The following ABL1 variants were observed in gnomAD, a reference collection of about 807,000 sequenced individuals.
The protein encoded by ABL1 is ABL proto-oncogene 1, non-receptor tyrosine kinase, also known as tyrosine-protein kinase ABL1.
In ABL1, 11 loss-of-function variants were observed where a neutral mutation model predicts 94.7. The ratio of observed to expected loss-of-function variants is 0.12; its 90% confidence interval spans 0.07 to 0.19. ABL1 has a LOEUF of 0.19. Among genes scored for constraint, ABL1 ranks in the 10% least tolerant of loss-of-function variants. The pLI is 1.00. For synonymous variants in ABL1, 656 were observed against 622.4 expected, an observed-to-expected ratio of 1.05 and a Z score of -0.80; for missense variants, 1,082 against 1,489.4, an observed-to-expected ratio of 0.73 and a Z score of 4.50.
Position 130,835,597 on chromosome 9 carries a change from C to G in ABL1, c.79+72C>G. The G allele has an allele frequency of 7.4e-7, 1 of 1,360,384 alleles. No homozygotes were observed. Among genetic ancestry groups the G allele is most frequent in the Non-Finnish European group, 1.0e-6 (1 of 982,160 alleles). The allele number at this position is 1,360,384 out of a possible 1,614,324, so 84.3% of individuals were successfully genotyped here. A position where few individuals can be genotyped will look rare whatever the true frequency, so the allele number is the denominator to read the frequency against. ...CGCTGCTGCTGGGCCCTTCCTAGGC[C>G]TCGCCGCCCGCGCGCTCCCGCCTGC... On this transcript the variant is annotated intron_variant, in intron 1 of 10. Transcript: ENST00000318560. The surrounding 1 kb of genome is among the most constrained non-coding windows in gnomAD (Gnocchi z 4.6).
At chr9:130,760,265 C>T (rs11244131) in intron 1 of ABL1, among the ~76,000 whole-genome samples, 3 of 151,948 alleles carry the variant, frequency 2.0e-5, no homozygotes, top group African/African-American at 7.3e-5. Flanking sequence ...CAGTAGCTCC[C>T]TCCTTAACAT....
intron 1 of ABL1, among the ~76,000 whole-genome samples, chr9:130,813,323 A>G (rs1830236117): frequency 6.6e-6 from 1 of 151,852 alleles, no homozygotes; most frequent in Admixed American, 6.6e-5. Flanking sequence ...GCACTTTGGG[A>G]GGCTGAGGCG....
upstream of ABL1, among the ~76,000 whole-genome samples, chr9:130,831,951 T>G (rs1162669256): frequency 2.0e-5 from 3 of 152,130 alleles, no homozygotes; most frequent in East Asian, 5.8e-4. Flanking sequence ...ACAGATCATC[T>G]GGGAGCTTCA....
At chr9:130,753,928 G>T (rs1256766187) in intron 1 of ABL1, among the ~76,000 whole-genome samples, 1 of 151,938 alleles carries the variant, frequency 6.6e-6, no homozygotes, top group Non-Finnish European at 1.5e-5. Context: ...TATTGTCGCT[G>T]GGCGCGGTGG....
At chr9:130,778,507 T>C (rs1829701201) in intron 1 of ABL1, among the ~76,000 whole-genome samples, 1 of 152,156 alleles carries the variant, frequency 6.6e-6, no homozygotes, top group African/African-American at 2.4e-5. Context: ...TACAGACGTA[T>C]GATCCCTGGT....
chr9:130,822,060 A>T (rs1214427912), intron 1 of ABL1, among the ~76,000 whole-genome samples: 1 of 150,430 alleles, frequency 6.6e-6, no homozygotes, highest in Admixed American at 6.6e-5. Context: ...GGATGCTCTC[A>T]CTCTCCTGAC....
intron 1 of ABL1, among the ~76,000 whole-genome samples, chr9:130,730,277 G>T (rs1366372387): frequency 2.7e-5 from 4 of 147,268 alleles, no homozygotes; most frequent in Admixed American, 6.8e-5. Flanking sequence ...CCCAACCTCA[G>T]GTGATCCGCC....
chr9:130,879,729 C>T (rs943846681), intron 8 of ABL1, among the ~76,000 whole-genome samples: 5 of 152,096 alleles, frequency 3.3e-5, no homozygotes, highest in African/African-American at 7.2e-5. Flanking sequence ...CTTTGATAAC[C>T]GTGAAGAAAG....
At chr9:130,753,290 T>G (rs919494698) in intron 1 of ABL1, among the ~76,000 whole-genome samples, 20 of 152,134 alleles carry the variant, frequency 1.3e-4, no homozygotes, top group African/African-American at 4.6e-4. Context: ...CTCCTACTTG[T>G]GCTGCAGAGG....
intron 10 of ABL1, among the ~76,000 whole-genome samples, chr9:130,881,514 A>C (rs1049996742): frequency 6.6e-6 from 1 of 152,148 alleles, no homozygotes; most frequent in African/African-American, 2.4e-5. Context: ...TGTGCAGGGG[A>C]AGTCCGCTTT....
chr9:130,861,720 A>T (rs1831074879), intron 3 of ABL1, among the ~76,000 whole-genome samples: 1 of 152,102 alleles, frequency 6.6e-6, no homozygotes, highest in Non-Finnish European at 1.5e-5. Flanking sequence ...TCATGATTTT[A>T]AGTCTTCTTT....
intron 1 of ABL1, among the ~76,000 whole-genome samples, chr9:130,844,187 C>A (rs1242055683): frequency 6.6e-6 from 1 of 152,116 alleles, no homozygotes; most frequent in African/African-American, 2.4e-5. Flanking sequence ...CTGGTCAGGT[C>A]TGCATTTGAG....
chr9:130,822,342 G>A (rs1490976065), intron 1 of ABL1, among the ~76,000 whole-genome samples: 3 of 151,378 alleles, frequency 2.0e-5, no homozygotes, highest in Non-Finnish European at 2.9e-5. Flanking sequence ...TAAAGTGACT[G>A]TACCATTTAC....
At chr9:130,793,390 A>G (rs1447302846) in intron 1 of ABL1, among the ~76,000 whole-genome samples, 1 of 152,106 alleles carries the variant, frequency 6.6e-6, no homozygotes, top group Non-Finnish European at 1.5e-5. Flanking sequence ...CCGCATACAT[A>G]TTGTGATGTC....
chr9:130,731,500 C>T (rs924234736), intron 1 of ABL1, among the ~76,000 whole-genome samples: 11 of 151,918 alleles, frequency 7.2e-5, no homozygotes, highest in African/African-American at 1.7e-4. Flanking sequence ...TGTGTAGGGG[C>T]GAAGGTTCAT....
chr9:130,716,451 A>C (rs1436697437), intron 1 of ABL1, among the ~76,000 whole-genome samples: 1 of 152,060 alleles, frequency 6.6e-6, no homozygotes, highest in Non-Finnish European at 1.5e-5. Context: ...ATTTTATTAC[A>C]TTTTGACCCT....
chr9:130,805,591 A>C (rs1288556281), intron 1 of ABL1, among the ~76,000 whole-genome samples: 1 of 152,226 alleles, frequency 6.6e-6, no homozygotes, highest in African/African-American at 2.4e-5. Context: ...GAAGGAAGAA[A>C]GAAGTGAGCA....
chr9:130,771,582 A>G (rs1208765286), intron 1 of ABL1, among the ~76,000 whole-genome samples: 1 of 152,144 alleles, frequency 6.6e-6, no homozygotes, highest in Non-Finnish European at 1.5e-5. Context: ...ATACATCTGT[A>G]AGGAAAGTAT....
intron 1 of ABL1, among the ~76,000 whole-genome samples, chr9:130,728,517 C>T (rs1831620607): frequency 6.6e-6 from 1 of 151,732 alleles, no homozygotes; most frequent in Non-Finnish European, 1.5e-5. Context: ...TCCTGAGTAG[C>T]TGGGACTACA....
Sources: gnomAD v4.1 joint callset for allele counts (sites outside exome capture counted in the v4.1 genomes callset) on GRCh38, gnomAD v4.1.1 for gene constraint, Gnocchi (gnomAD v3.1) non-coding constraint, MANE v1.5 for transcripts, NCBI Gene and HGNC (gene_info 2026-07-23, HGNC 2026-07-21) for gene names.